The following TBC1D12 variants were observed in gnomAD, a reference collection of about 807,000 sequenced individuals.
TBC1D12 encodes the protein TBC1 domain family, member 12.
In TBC1D12, 56 loss-of-function variants were observed where a neutral mutation model predicts 86.7. The ratio of observed to expected loss-of-function variants is 0.65; its 90% confidence interval spans 0.52 to 0.81. TBC1D12 has a LOEUF of 0.81. TBC1D12 is among the 30% of genes least tolerant of loss of function. The pLI is 0.00. For synonymous variants in TBC1D12, 421 were observed against 411.7 expected, an observed-to-expected ratio of 1.02 and a Z score of -0.27; for missense variants, 1,023 against 1,038.8, an observed-to-expected ratio of 0.98 and a Z score of 0.21.
intron 1 of TBC1D12, among the ~76,000 whole-genome samples, chr10:94,429,682 G>C (rs947527491): frequency 7.9e-5 from 12 of 151,768 alleles, no homozygotes; most frequent in African/African-American, 2.9e-4. Flanking sequence ...CTTCCCCTCT[G>C]TTATGATTTC....
chr10:94,504,014 TTA>T (rs1467975116), intron 6 of TBC1D12, among the ~76,000 whole-genome samples: 2 of 152,222 alleles, frequency 1.3e-5, no homozygotes, highest in African/African-American at 2.4e-5. Context: ...AAGTTAGATT[TTA>T]TATGACTTAA....
rs764214229 is a variant in TBC1D12 at position 94,533,843 on chromosome 10, G to C, written c.*747G>C. 6.6e-6 allele frequency: 1 copy of C among 152,170 alleles called. No homozygotes were observed. The highest frequency in any genetic ancestry group is 1.5e-5 in the Non-Finnish European group (1 of 68,022). The allele number at this position is 152,170 out of a possible 1,614,324, so 9.4% of individuals were successfully genotyped here. A position where few individuals can be genotyped will look rare whatever the true frequency, so the allele number is the denominator to read the frequency against. ...TTAAGAAAACTATAAATAACTGGTA[G>C]AAGGAAAGTGCTTTGCACTTCAGTG... On this transcript the variant is annotated 3_prime_UTR_variant, in exon 13 of 13. Transcript: ENST00000225235.
chr10:94,419,534 G>A (rs1048561340), intron 1 of TBC1D12, among the ~76,000 whole-genome samples: 2 of 151,950 alleles, frequency 1.3e-5, no homozygotes, highest in Non-Finnish European at 2.9e-5. Flanking sequence ...TTAGCTGGAC[G>A]TGGTGGCGCC....
chr10:94,518,050 G>A (rs117011798), intron 9 of TBC1D12, among the ~76,000 whole-genome samples: 4,483 of 151,994 alleles, frequency 0.029, 101 homozygotes, highest in South Asian at 0.045. Context: ...CTACTCGGGA[G>A]GCTGAGGCAA....
chr10:94,403,102 GCGC>G lies in TBC1D12; in HGVS notation c.500_502del (p.Arg167del), dbSNP rs1284602826. ...TGGCGCGCGCCGGCGGCCGGGAGTC[GCGC>G]CGCCGCCGCCCCTACGGCCGCCTTC... is the stretch of plus-strand genomic sequence containing the variant. On this transcript the variant is annotated inframe_deletion, in exon 1 of 13. Coordinates refer to ENST00000225235, the MANE Select transcript of TBC1D12 (RefSeq NM_015188.2). 1.0e-5 allele frequency: 14 copies of G among 1,397,322 alleles called. No individual in the cohort carries two copies. The highest frequency in any genetic ancestry group is 3.3e-5 in the South Asian group (2 of 59,708). 86.6% of individuals were successfully genotyped at this position (1,397,322 alleles called of 1,614,324 possible).
At chr10:94,425,291 T>C (rs1385157709) in intron 1 of TBC1D12, among the ~76,000 whole-genome samples, 1 of 152,228 alleles carries the variant, frequency 6.6e-6, no homozygotes, top group Non-Finnish European at 1.5e-5. Flanking sequence ...AAGTGTTCTA[T>C]ACCTGAATTG....
chr10:94,531,684 T>TTTATTTTATG (rs1842423364), intron 12 of TBC1D12, among the ~76,000 whole-genome samples: 1 of 130,438 alleles, frequency 7.7e-6, no homozygotes, highest in Non-Finnish European at 1.6e-5. Flanking sequence ...TTTATTTTAT[T>TTTATTTTATG]TTATGTTATT....
At chr10:94,509,863 C>T (rs1208906064) in intron 7 of TBC1D12, 10 of 435,274 alleles carry the variant, frequency 2.3e-5, no homozygotes, top group Non-Finnish European at 3.6e-5. Context: ...TCTGTAAAAA[C>T]TGGAATTAGA....
chr10:94,463,024 C>G (rs1255368190), intron 2 of TBC1D12, among the ~76,000 whole-genome samples: 2 of 152,078 alleles, frequency 1.3e-5, no homozygotes, highest in Non-Finnish European at 2.9e-5. Context: ...GTATTTTAAG[C>G]TACAAATTTT....
chr10:94,424,792 A>G (rs1039433390), intron 1 of TBC1D12, among the ~76,000 whole-genome samples: 1 of 152,188 alleles, frequency 6.6e-6, no homozygotes, highest in African/African-American at 2.4e-5. Flanking sequence ...CATCCAGGGC[A>G]TATCGAAGCA....
At chr10:94,483,418 G>T (rs1376257495) in intron 3 of TBC1D12, among the ~76,000 whole-genome samples, 1 of 152,054 alleles carries the variant, frequency 6.6e-6, no homozygotes, top group East Asian at 1.9e-4. Flanking sequence ...GTCCTCTTCA[G>T]CATTTGATAT....
chr10:94,507,240 C>T (rs1250317731), intron 6 of TBC1D12, 27 bp from the exon 7 acceptor site: 1 of 1,591,376 alleles, frequency 6.3e-7, no homozygotes. Context: ...ATTATTCATA[C>T]ATTTTTGTTC....
intron 3 of TBC1D12, among the ~76,000 whole-genome samples, chr10:94,482,529 C>A (rs1331894810): frequency 1.3e-5 from 2 of 151,828 alleles, no homozygotes; most frequent in East Asian, 1.9e-4. Flanking sequence ...TGGCTTACTG[C>A]GATCTCTGCC....
chr10:94,524,323 C>CT (rs1842232205), intron 11 of TBC1D12, among the ~76,000 whole-genome samples: 1 of 152,204 alleles, frequency 6.6e-6, no homozygotes, highest in East Asian at 1.9e-4. Flanking sequence ...CCACAACTAA[C>CT]TGCAAGTGAA....
intron 3 of TBC1D12, among the ~76,000 whole-genome samples, chr10:94,489,462 A>C (rs887903489): frequency 1.3e-5 from 2 of 152,120 alleles, no homozygotes; most frequent in Admixed American, 1.3e-4. Flanking sequence ...TATGAAGTTA[A>C]AACTAGGTAC....
chr10:94,513,120 G>A (rs919724185), intron 9 of TBC1D12, among the ~76,000 whole-genome samples: 5 of 151,968 alleles, frequency 3.3e-5, no homozygotes, highest in African/African-American at 7.3e-5. Context: ...GGTGGCACGC[G>A]CCTGTTATCC....
intron 5 of TBC1D12, 100 bp downstream of exon 5, chr10:94,497,272 G>A: frequency 3.3e-6 from 2 of 597,216 alleles, no homozygotes; most frequent in South Asian, 4.7e-5. Flanking sequence ...AAGTTTTAGG[G>A]TACATGTGCA....
intron 3 of TBC1D12, among the ~76,000 whole-genome samples, chr10:94,477,905 G>T (rs1406407713): frequency 6.6e-6 from 1 of 152,192 alleles, no homozygotes; most frequent in Non-Finnish European, 1.5e-5. Context: ...GGTCTATTTA[G>T]ATCTGCAAAT....
In TBC1D12 at chr10:94,500,321, A is replaced by G; in HGVS notation, c.1513A>G (p.Thr505Ala). ...SLAVGNELNITPELYEIFLSR... is the reference protein window; with the variant it reads ...SLAVGNELNIAPELYEIFLSR... ...AGCTGTAGGAAATGAACTAAATATC[A>G]CTCCTGGTTTGTATTCTACGTTCAG... The change falls in exon 6 of 13, where the codon ACT becomes GCT. Residue 505 changes from threonine to alanine, a missense_variant. Coordinates refer to ENST00000225235, the MANE Select transcript of TBC1D12 (RefSeq NM_015188.2). 6.2e-7 allele frequency: 1 copy of G among 1,612,022 alleles called. No individual in the cohort carries two copies. Among genetic ancestry groups the G allele is most frequent in the Non-Finnish European group, 8.5e-7 (1 of 1,179,124 alleles).
Sources: allele counts gnomAD v4.1 joint callset (sites outside exome capture counted in the v4.1 genomes callset), GRCh38; gene constraint gnomAD v4.1.1; transcripts MANE v1.5; gene names NCBI Gene and HGNC (gene_info 2026-07-23, HGNC 2026-07-21).